The following WDFY4 variants were observed in gnomAD, a reference collection of about 807,000 sequenced individuals.
WDFY4 encodes WD repeat- and FYVE domain-containing protein 4.
WDFY4 carries 169 observed loss-of-function variants against 351.9 expected under a neutral mutation model. That is an observed-to-expected ratio of 0.48 (90% CI 0.42 to 0.55). WDFY4 has a LOEUF of 0.55. WDFY4 is among the 20% of genes least tolerant of loss of function. WDFY4 has a pLI of 0.00. For synonymous variants in WDFY4, 1,622 were observed against 1,574.6 expected (o/e 1.03, Z -0.71); for missense variants, 3,803 against 3,935.6 (o/e 0.97, Z 0.90).
chr10:48,821,483 A>T (rs1332984666), intron 34 of WDFY4, among the ~76,000 whole-genome samples: 1 of 152,200 alleles, frequency 6.6e-6, no homozygotes, highest in East Asian at 1.9e-4. Flanking sequence ...CCCATAAGGG[A>T]AACCAAGATA....
chr10:48,744,067 G>A (rs891047205), intron 12 of WDFY4, among the ~76,000 whole-genome samples: 8 of 152,116 alleles, frequency 5.3e-5, no homozygotes, highest in Non-Finnish European at 1.0e-4. Context: ...CCTTACTTCC[G>A]CAGGCCAAAC....
chr10:48,956,212 C>A (rs911371384), intron 51 of WDFY4, among the ~76,000 whole-genome samples: 9 of 152,202 alleles, frequency 5.9e-5, no homozygotes, highest in Non-Finnish European at 1.3e-4. Context: ...TCTTACATGG[C>A]CCAACCTCGA....
intron 18 of WDFY4, 66 bp downstream of exon 18, chr10:48,778,898 T>G: frequency 1.3e-6 from 2 of 1,510,426 alleles, no homozygotes; most frequent in South Asian, 2.4e-5. Context: ...AGTCAGAAGC[T>G]CTCAACACAG....
intron 47 of WDFY4, among the ~76,000 whole-genome samples, chr10:48,927,640 T>C (rs1254607975): frequency 1.3e-5 from 2 of 152,208 alleles, no homozygotes; most frequent in African/African-American, 4.8e-5. Flanking sequence ...TACTTCTCTA[T>C]CCTTCGCACC....
At chr10:48,951,875 G>A (rs945184433) in intron 51 of WDFY4, among the ~76,000 whole-genome samples, 9 of 152,192 alleles carry the variant, frequency 5.9e-5, no homozygotes, top group Non-Finnish European at 1.3e-4. Flanking sequence ...AAGGCAGCCG[G>A]CGCCCACCAA....
chr10:48,957,806 G>A (rs1296984798), intron 52 of WDFY4, among the ~76,000 whole-genome samples: 1 of 152,224 alleles, frequency 6.6e-6, no homozygotes, highest in Non-Finnish European at 1.5e-5. Context: ...CTATGATGCA[G>A]CAGGGCTTCT....
intron 39 of WDFY4, among the ~76,000 whole-genome samples, chr10:48,865,544 G>A (rs1005086964): frequency 3.9e-5 from 6 of 152,138 alleles, no homozygotes; most frequent in Non-Finnish European, 7.4e-5. Context: ...GCCTTTGTCT[G>A]TTTTCTGTGT....
intron 1 of WDFY4, among the ~76,000 whole-genome samples, chr10:48,701,152 G>A (rs964350165): frequency 6.6e-6 from 1 of 152,200 alleles, no homozygotes; most frequent in Non-Finnish European, 1.5e-5. Flanking sequence ...GACTGCTCCA[G>A]GGACCTCATA....
chr10:48,836,214 G>A (rs906095555), intron 39 of WDFY4, among the ~76,000 whole-genome samples: 1 of 152,196 alleles, frequency 6.6e-6, no homozygotes, highest in African/African-American at 2.4e-5. Context: ...ACACCTCAGT[G>A]AGCAATGTAA....
At chr10:48,765,179 A>G (rs2065629850) in intron 13 of WDFY4, among the ~76,000 whole-genome samples, 1 of 152,328 alleles carries the variant, frequency 6.6e-6, no homozygotes, top group East Asian at 1.9e-4. Flanking sequence ...ATGTTGAGCT[A>G]AGAGAATTTA....
At chr10:48,755,786 G>C (rs930222504) in intron 12 of WDFY4, among the ~76,000 whole-genome samples, 2 of 152,074 alleles carry the variant, frequency 1.3e-5, no homozygotes, top group African/African-American at 4.8e-5. Flanking sequence ...GCTCTCCAAA[G>C]ATATTCTTCC....
chr10:48,704,128 G>A (rs1232446227), intron 1 of WDFY4, among the ~76,000 whole-genome samples: 1 of 151,996 alleles, frequency 6.6e-6, no homozygotes, highest in Non-Finnish European at 1.5e-5. Context: ...TCACTATGCT[G>A]GACCTCTTCC....
intron 39 of WDFY4, among the ~76,000 whole-genome samples, chr10:48,862,381 G>A (rs1248387429): frequency 6.6e-6 from 1 of 152,166 alleles, no homozygotes; most frequent in Non-Finnish European, 1.5e-5. Flanking sequence ...CATGGACCCG[G>A]TATCTGAGCC....
intron 47 of WDFY4, among the ~76,000 whole-genome samples, chr10:48,932,170 C>G (rs1840053780): frequency 6.6e-6 from 1 of 152,152 alleles, no homozygotes; most frequent in Non-Finnish European, 1.5e-5. Context: ...TGTTAGGTGA[C>G]CAGTGTTCAG....
At chr10:48,760,209 G>A (rs1589538604) in intron 12 of WDFY4, 138 bp from the exon 13 acceptor site, 7 of 704,700 alleles carry the variant, frequency 9.9e-6, no homozygotes, top group African/African-American at 3.6e-5. Flanking sequence ...GCTCGATGGA[G>A]TAGTTCAATG....
chr10:48,947,043 G>GA (rs1161721061), intron 51 of WDFY4, 74 bp downstream of exon 51: 7 of 1,244,612 alleles, frequency 5.6e-6, no homozygotes, highest in Middle Eastern at 2.3e-4. Context: ...ACAAGACTAA[G>GA]ACCTGTGCTT....
At chr10:48,749,593 C>T (rs2065118672) in intron 12 of WDFY4, among the ~76,000 whole-genome samples, 2 of 152,196 alleles carry the variant, frequency 1.3e-5, no homozygotes, top group African/African-American at 4.8e-5. Context: ...CCCTCAGCAG[C>T]ACATCATCCA....
At chr10:48,802,630 C>A in intron 24 of WDFY4, 1 of 461,138 alleles carries the variant, frequency 2.2e-6, no homozygotes, top group South Asian at 1.6e-5. Flanking sequence ...GGATCACTAG[C>A]AGCTACATTT....
chr10:48,695,284 G>C (rs2063302446), intron 1 of WDFY4, among the ~76,000 whole-genome samples: 1 of 152,240 alleles, frequency 6.6e-6, no homozygotes, highest in African/African-American at 2.4e-5. Context: ...GCTGCGGGCA[G>C]ACAGCAGGTC....
Sources: gnomAD v4.1 joint callset for allele counts (sites outside exome capture counted in the v4.1 genomes callset) on GRCh38, gnomAD v4.1.1 for gene constraint, MANE v1.5 for transcripts, NCBI Gene and HGNC (gene_info 2026-07-23, HGNC 2026-07-21) for gene names.